Variants in RANBP2 observed in about 807,000 individuals in gnomAD.
RANBP2 encodes the protein E3 SUMO-protein ligase RanBP2.
In RANBP2, 57 loss-of-function variants were observed where a neutral mutation model predicts 303.6. That is an observed-to-expected ratio of 0.19 (90% CI 0.15 to 0.23). The LOEUF (loss-of-function observed/expected upper bound fraction) is 0.23, where lower values mean the gene tolerates loss of function less well. Ranked by LOEUF, RANBP2 falls within the 10% of genes least tolerant of loss-of-function variation. RANBP2 has a pLI of 1.00. For missense variants in RANBP2, 3,138 were observed against 3,780.8 expected, an observed-to-expected ratio of 0.83 and a Z score of 4.46; for synonymous variants, 1,167 against 1,301.5, an observed-to-expected ratio of 0.90 and a Z score of 2.23.
chr2:108,795,250 G>A, the RANBP2 span, among the ~76,000 whole-genome samples: 3 of 149,542 alleles, frequency 2.0e-5, no homozygotes, highest in Admixed American at 2.0e-4. Flanking sequence ...CGCCTCCTGG[G>A]TTCCAGTGAT....
the RANBP2 span, among the ~76,000 whole-genome samples, chr2:109,359,759 G>C: frequency 6.6e-6 from 1 of 152,076 alleles, no homozygotes; most frequent in Non-Finnish European, 1.5e-5. Context: ...ACAACACACA[G>C]TTTCTTCAGC....
At chr2:109,400,852 A>G in the RANBP2 span, among the ~76,000 whole-genome samples, 19 of 152,176 alleles carry the variant, frequency 1.2e-4, no homozygotes, top group Admixed American at 4.6e-4. Context: ...TGTGCCTGGG[A>G]GCCATATTCC....
the RANBP2 span, among the ~76,000 whole-genome samples, chr2:109,441,799 G>C: frequency 6.6e-6 from 1 of 152,082 alleles, no homozygotes; most frequent in Non-Finnish European, 1.5e-5. Context: ...AAAACAGCCA[G>C]AGGACAAAAA....
chr2:109,630,998 G>A, the RANBP2 span, among the ~76,000 whole-genome samples: 5 of 152,064 alleles, frequency 3.3e-5, no homozygotes, highest in Non-Finnish European at 4.4e-5. Context: ...CCCGGGAGGC[G>A]GAGGTTGCAG....
At chr2:109,737,561 T>C in the RANBP2 span, 2 of 450,026 alleles carry the variant, frequency 4.4e-6, no homozygotes, top group African/African-American at 4.1e-5. Flanking sequence ...CTCTTTAACG[T>C]ACTGATTTTC....
chr2:108,763,122 A>G (rs1476871560), intron 19 of RANBP2, 115 bp from the exon 20 acceptor site: 9 of 1,195,552 alleles, frequency 7.5e-6, no homozygotes, highest in Non-Finnish European at 1.1e-5. Flanking sequence ...TACATCCCCT[A>G]ATGAGATCTT....
the RANBP2 span, among the ~76,000 whole-genome samples, chr2:109,256,449 G>T: frequency 1.3e-5 from 2 of 151,776 alleles, no homozygotes; most frequent in African/African-American, 4.9e-5. Flanking sequence ...GACTGAAACA[G>T]GGAGACGAGT....
the RANBP2 span, among the ~76,000 whole-genome samples, chr2:109,472,605 G>A: frequency 6.6e-6 from 1 of 152,152 alleles, no homozygotes; most frequent in Non-Finnish European, 1.5e-5. Flanking sequence ...CCATCCATCT[G>A]TTTCATTTAA....
At chr2:109,201,108 G>C in the RANBP2 span, among the ~76,000 whole-genome samples, 30 of 152,338 alleles carry the variant, frequency 2.0e-4, no homozygotes, top group Middle Eastern at 6.8e-3. Flanking sequence ...CTGTCCCTCA[G>C]CACAGACCTT....
chr2:108,981,848 T>C, the RANBP2 span, among the ~76,000 whole-genome samples: 1 of 152,228 alleles, frequency 6.6e-6, no homozygotes, highest in African/African-American at 2.4e-5. Flanking sequence ...GCAGTGATGA[T>C]TGTCTCTATT....
chr2:108,961,177 T>G, the RANBP2 span, among the ~76,000 whole-genome samples: 1 of 152,104 alleles, frequency 6.6e-6, no homozygotes, highest in Non-Finnish European at 1.5e-5. Context: ...CCTGACTGGG[T>G]TTTGGAGGCC....
chr2:108,988,615 CA>C, the RANBP2 span, among the ~76,000 whole-genome samples: 1 of 152,148 alleles, frequency 6.6e-6, no homozygotes, highest in Admixed American at 6.5e-5. Flanking sequence ...GAGCCGGGCA[CA>C]GGGGCAAACC....
the RANBP2 span, among the ~76,000 whole-genome samples, chr2:109,352,668 A>G: frequency 7.2e-5 from 11 of 152,172 alleles, no homozygotes; most frequent in Non-Finnish European, 1.3e-4. Context: ...CGAGAAACTC[A>G]GGGAACCAGT....
the RANBP2 span, among the ~76,000 whole-genome samples, chr2:109,270,079 C>T: frequency 6.1e-4 from 93 of 152,316 alleles, 1 homozygote; most frequent in East Asian, 0.017. Context: ...GCTTGGCTGC[C>T]GTGGGGCAGG....
chr2:109,395,998 G>T, the RANBP2 span, among the ~76,000 whole-genome samples: 2 of 152,342 alleles, frequency 1.3e-5, no homozygotes, highest in Non-Finnish European at 2.9e-5. Flanking sequence ...CATTATTGCT[G>T]CCATGATTGC....
At chr2:109,202,360 C>CA in the RANBP2 span, among the ~76,000 whole-genome samples, 2 of 152,164 alleles carry the variant, frequency 1.3e-5, no homozygotes, top group Non-Finnish European at 2.9e-5. Flanking sequence ...TTTGGGCTTT[C>CA]CACTCTCTGT....
chr2:109,633,059 A>AT, the RANBP2 span, among the ~76,000 whole-genome samples: 9 of 151,756 alleles, frequency 5.9e-5, no homozygotes, highest in East Asian at 1.9e-4. Context: ...ATCCACTGGA[A>AT]TTTTTTTTTA....
the RANBP2 span, among the ~76,000 whole-genome samples, chr2:109,458,850 C>G: frequency 6.6e-6 from 1 of 152,216 alleles, no homozygotes; most frequent in African/African-American, 2.4e-5. Context: ...GATATTAACA[C>G]ATTTGCCAAA....
At chr2:109,319,974 T>A in the RANBP2 span, among the ~76,000 whole-genome samples, 11 of 152,106 alleles carry the variant, frequency 7.2e-5, no homozygotes, top group East Asian at 2.1e-3. Context: ...GAAGTCAGAG[T>A]GGGTGATGGA....
Sources: gnomAD v4.1 joint callset for allele counts (sites outside exome capture counted in the v4.1 genomes callset) on GRCh38, gnomAD v4.1.1 for gene constraint, MANE v1.5 for transcripts, NCBI Gene and HGNC (gene_info 2026-07-23, HGNC 2026-07-21) for gene names.